Variants in RELB observed in about 807,000 individuals in gnomAD.
RELB encodes the protein RELB proto-oncogene, NF-kB subunit, also known as transcription factor RelB.
A neutral mutation model predicts 55.4 loss-of-function variants in RELB; 14 were observed. That is an observed-to-expected ratio of 0.25 (90% confidence interval 0.17 to 0.40). The LOEUF is 0.40. Among genes scored for constraint, RELB ranks in the 10% least tolerant of loss-of-function variants. RELB has a pLI of 1.00. For missense variants in RELB, 669 were observed against 830.7 expected (o/e 0.81, Z 2.39); for synonymous variants, 409 against 371.3 (o/e 1.10, Z -1.17).
chr19:45,032,764 C>T lies in RELB; in HGVS notation c.1207+15C>T, dbSNP rs375363104. 18 of 1,589,254 alleles carry T rather than the reference C, an allele frequency of 1.1e-5. No individual in the cohort carries two copies. The African/African-American group carries it at 1.5e-4, about 13-fold the overall frequency. The stretch of plus-strand genomic sequence containing the variant: ...TCGCGACCATGGTAACTACAGCAAC[C>T]CAGGGTGACCCACCACCTCGGAGAC... On this transcript the variant is annotated intron_variant, in intron 9 of 11. Transcript: ENST00000221452.
chr19:45,036,049 C>G (rs1387622170), intron 11 of RELB, among the ~76,000 whole-genome samples: 1 of 152,152 alleles, frequency 6.6e-6, no homozygotes, highest in Non-Finnish European at 1.5e-5. Flanking sequence ...CCTTGTGTCT[C>G]TAAGGTTTGT....
rs1031445309 is a variant in RELB, at chr19:45,012,174, G to A, written c.402G>A (p.Lys134=). The change falls in exon 4 of 12, where the codon AAG becomes AAA. Residue 134 remains lysine (K), a synonymous_variant. Coordinates refer to ENST00000221452, the MANE Select transcript of RELB (RefSeq NM_006509.4). ...QPHLVITEQP[K]QRGMRFRYEC... ...ACCTGGTCATCACGGAGCAGCCCAA[G>A]CAGCGCGGCATGCGCTTCCGCTACG... 3.2e-6 allele frequency: 5 copies of A among 1,555,352 alleles called. No individual in the cohort carries two copies. The highest frequency in any genetic ancestry group is 4.3e-6 in the Non-Finnish European group (5 of 1,161,326).
Position 45,037,611 on chromosome 19 carries a change from G to A in RELB, c.1561G>A (p.Ala521Thr). ...HASAVVCSGG[A>T]GAVVGETPGP... Reference sequence around the variant, plus strand: ...TAGCGCTGTTGTGTGCAGCGGAGGTGCCGGGGCCGTGGTTGGGGAGACCCC... The same window carrying A: ...TAGCGCTGTTGTGTGCAGCGGAGGTACCGGGGCCGTGGTTGGGGAGACCCC... Residue 521 changes from alanine to threonine, a missense_variant, in exon 12 of 12, where the codon GCC becomes ACC. Coordinates refer to ENST00000221452, the MANE Select transcript of RELB (RefSeq NM_006509.4). 1 of 1,604,720 alleles carries A rather than the reference G, an allele frequency of 6.2e-7. No homozygotes were observed. Among genetic ancestry groups the A allele is most frequent in the East Asian group, 2.3e-5 (1 of 44,002 alleles).
intron 4 of RELB, among the ~76,000 whole-genome samples, chr19:45,021,056 TC>T: frequency 6.6e-6 from 1 of 152,072 alleles, no homozygotes; most frequent in Non-Finnish European, 1.5e-5. Context: ...GCGCCTGTAG[TC>T]CCAGCTACTC....
intron 8 of RELB, among the ~76,000 whole-genome samples, chr19:45,032,256 A>C (rs539828921): frequency 6.6e-6 from 1 of 151,592 alleles, no homozygotes; most frequent in Non-Finnish European, 1.5e-5. Flanking sequence ...AACAAAAAAA[A>C]ACCAAAAATA....
chr19:45,003,764 T>C (rs1033628281), intron 2 of RELB, among the ~76,000 whole-genome samples: 2 of 151,730 alleles, frequency 1.3e-5, no homozygotes, highest in Admixed American at 6.6e-5. Context: ...AGGTACACTT[T>C]CCAAGCAGTA....
At position 45,025,518 on chromosome 19, in the gene RELB, C is replaced by A. The variant is rs1971547784; in HGVS notation, c.755-88C>A. ...CTCACCACTCCAGGCCCCACCGTCT[C>A]CTCCAGCCCCATCCCTTCCCCGTTC... On this transcript the variant is annotated intron_variant, in intron 6 of 11. Coordinates refer to ENST00000221452, the MANE Select transcript of RELB (RefSeq NM_006509.4). 7 of 1,577,954 alleles carry A rather than the reference C, an allele frequency of 4.4e-6. No homozygotes were observed. In the South Asian group the frequency reaches 7.9e-5, roughly 18 times the overall value.
rs780228943 is a variant in RELB at position 45,012,153 on chromosome 19, G to A, written c.381G>A (p.Leu127=). ...PAPGPGPQPH[L]VITEQPKQRG... is the part of the protein sequence containing the mutation. ...CGGGCCCGGGCCCGCAGCCGCACCTGGTCATCACGGAGCAGCCCAAGCAGC... is the reference window on the plus strand; with the variant it reads ...CGGGCCCGGGCCCGCAGCCGCACCTAGTCATCACGGAGCAGCCCAAGCAGC... The change falls in exon 4 of 12, where the codon CTG becomes CTA. Residue 127 remains leucine (L), a synonymous_variant. Transcript: ENST00000221452. 3 of 1,563,672 alleles carry A rather than the reference G, an allele frequency of 1.9e-6. No individual in the cohort carries two copies. The highest frequency in any genetic ancestry group is 2.8e-5 in the African/African-American group (2 of 70,206).
rs769788233 is a variant in RELB, at chr19:45,032,646, C to T, written c.1104C>T (p.Asp368=). ...AIVFKTPPYE[D]LEIVEPVTVN... is the part of the protein sequence containing the mutation. ...TGTTCAAGACGCCGCCCTACGAGGA[C>T]CTGGAGATTGTCGAGCCCGTGACAG... Residue 368 remains aspartate, a synonymous_variant, in exon 9 of 12, where the codon GAC becomes GAT. Transcript: ENST00000221452. 13 of 1,612,810 alleles carry T rather than the reference C, an allele frequency of 8.1e-6. No homozygotes were observed. The highest frequency in any genetic ancestry group is 1.1e-5 in the Non-Finnish European group (13 of 1,179,552).
chr19:45,016,474 C>T (rs1269490554), intron 4 of RELB, among the ~76,000 whole-genome samples: 2 of 152,102 alleles, frequency 1.3e-5, no homozygotes, highest in Admixed American at 1.3e-4. Flanking sequence ...GACCCAGCTG[C>T]GCAGACTTAG....
intron 4 of RELB, among the ~76,000 whole-genome samples, chr19:45,015,187 G>A (rs1001715419): frequency 1.3e-5 from 2 of 152,144 alleles, no homozygotes; most frequent in Non-Finnish European, 2.9e-5. Flanking sequence ...ACAGGCATGA[G>A]CCAGCATGCC....
At chr19:45,035,968 C>T (rs937239135) in intron 11 of RELB, among the ~76,000 whole-genome samples, 7 of 152,208 alleles carry the variant, frequency 4.6e-5, no homozygotes, top group South Asian at 2.1e-4. Context: ...CCAGCCATTA[C>T]GCCCACGTTC....
chr19:45,029,964 T>C (rs1027998692), intron 8 of RELB, among the ~76,000 whole-genome samples: 2 of 152,040 alleles, frequency 1.3e-5, no homozygotes, highest in African/African-American at 4.8e-5. Context: ...ACTCAGGAGT[T>C]CGAGACCAGC....
chr19:45,037,829 A>G lies in RELB; in HGVS notation c.*39A>G. 1 of 1,469,498 alleles carries G rather than the reference A, an allele frequency of 6.8e-7. No homozygotes were observed. The highest frequency in any genetic ancestry group is 9.0e-7 in the Non-Finnish European group (1 of 1,115,400). The allele number at this position is 1,469,498 out of a possible 1,614,324, so 91.0% of individuals were successfully genotyped here. ...GAGGAGGGGCACTGGGTGGGGAGGG[A>G]GGTGGAGGAGCCGTGCAATCCCAAC... On this transcript the variant is annotated 3_prime_UTR_variant, in exon 12 of 12. Transcript: ENST00000221452.
chr19:45,006,894 G>A (rs1971288628), intron 2 of RELB, among the ~76,000 whole-genome samples: 1 of 151,048 alleles, frequency 6.6e-6, no homozygotes, highest in Non-Finnish European at 1.5e-5. Flanking sequence ...GGCGGAGGTT[G>A]TGGTGAGCTG....
intron 5 of RELB, among the ~76,000 whole-genome samples, chr19:45,023,439 T>TC (rs1173070138): frequency 7.9e-5 from 12 of 151,604 alleles, no homozygotes; most frequent in Admixed American, 4.0e-4. Context: ...CTTCCGTCCT[T>TC]CTTTCTTTCT....
intron 4 of RELB, among the ~76,000 whole-genome samples, chr19:45,014,656 T>A (rs979330621): frequency 6.6e-6 from 1 of 150,824 alleles, no homozygotes; most frequent in Non-Finnish European, 1.5e-5. Flanking sequence ...TAGCTGGGAT[T>A]ACAGGCACGC....
chr19:45,024,405 GC>G (rs1278030543), intron 5 of RELB, among the ~76,000 whole-genome samples: 1 of 148,848 alleles, frequency 6.7e-6, no homozygotes, highest in African/African-American at 2.5e-5. Context: ...CTCCTGATCT[GC>G]CCGTATCGGC....
intron 3 of RELB, among the ~76,000 whole-genome samples, chr19:45,011,114 A>C (rs915827743): frequency 2.0e-5 from 3 of 152,014 alleles, no homozygotes; most frequent in Non-Finnish European, 4.4e-5. Flanking sequence ...GGCCTCCCAA[A>C]GTGCTGGGAT....
Sources: allele counts gnomAD v4.1 joint callset (sites outside exome capture counted in the v4.1 genomes callset), GRCh38; gene constraint gnomAD v4.1.1; transcripts MANE v1.5; gene names NCBI Gene and HGNC (gene_info 2026-07-23, HGNC 2026-07-21).